The following PCDHGB6 variants were observed in gnomAD, a reference collection of about 807,000 sequenced individuals.
PCDHGB6 encodes the protein protocadherin gamma subfamily B, 6, also known as protocadherin gamma-B6.
PCDHGB6 carries 51 observed loss-of-function variants against 59.1 expected under a neutral mutation model. The observed-to-expected ratio is 0.86, with a 90% CI of 0.69 to 1.09. The LOEUF (loss-of-function observed/expected upper bound fraction) is 1.09, where lower values mean the gene tolerates loss of function less well. Among genes scored for constraint, PCDHGB6 ranks in the 50% least tolerant of loss-of-function variants. The pLI is 0.00. For missense variants in PCDHGB6, 1,148 were observed against 1,205.1 expected (o/e 0.95, Z 0.70); for synonymous variants, 466 against 495.1 (o/e 0.94, Z 0.78).
At position 141,490,456 on chromosome 5, in the gene PCDHGB6, C is replaced by G. The variant is rs370141879; in HGVS notation, c.2419-4351C>G. On this transcript the variant is annotated intron_variant, in intron 1 of 3. Transcript: ENST00000520790. The surrounding 1 kb of genome is among the most constrained non-coding windows in gnomAD (Gnocchi z 5.4). The stretch of plus-strand genomic sequence containing the variant: ...TAAGCCTTCTGAGAACCACTACTCG[C>G]TGCTAACCAGCCAGCCTTTGGACCG... 3.7e-6 allele frequency: 6 copies of G among 1,614,114 alleles called. No individual in the cohort carries two copies. Among genetic ancestry groups the G allele is most frequent in the Non-Finnish European group, 5.1e-6 (6 of 1,180,058 alleles).
At chr5:141,505,650 T>C (rs1595974645) in intron 3 of PCDHGB6, among the ~76,000 whole-genome samples, 169 bp downstream of exon 3, 1 of 152,094 alleles carries the variant, frequency 6.6e-6, no homozygotes, top group East Asian at 1.9e-4. Flanking sequence ...GAATTGTGGC[T>C]AAGGAACAGC....
chr5:141,487,109 G>A lies in PCDHGB6; in HGVS notation c.2419-7698G>A. 2 of 1,614,122 alleles carry A rather than the reference G, an allele frequency of 1.2e-6. No homozygotes were observed. Among genetic ancestry groups the A allele is most frequent in the Non-Finnish European group, 1.7e-6 (2 of 1,180,004 alleles). ...CCTCCCACCACAGAAGCTGGTCATTGTGGTAAAGGATAGTGGTAGTCCACC... is the reference window on the plus strand; with the variant it reads ...CCTCCCACCACAGAAGCTGGTCATTATGGTAAAGGATAGTGGTAGTCCACC... On this transcript the variant is annotated intron_variant, in intron 1 of 3. Transcript: ENST00000520790. This position sits in a 1 kb window ranked among gnomAD's most constrained non-coding sequence, Gnocchi z 5.0.
At chr5:141,508,961 A>C (rs991011427) in intron 3 of PCDHGB6, among the ~76,000 whole-genome samples, 2 of 151,978 alleles carry the variant, frequency 1.3e-5, no homozygotes, top group African/African-American at 4.8e-5. Context: ...TGTCAGCGGA[A>C]TGAAAGGGCT....
chr5:141,414,377 C>T (rs2095740461), intron 1 of PCDHGB6: 1 of 1,613,760 alleles, frequency 6.2e-7, no homozygotes, highest in South Asian at 1.1e-5. Context: ...TTAGAAAAGT[C>T]CATTGACAGT....
Position 141,477,741 on chromosome 5 carries a change from G to A in PCDHGB6, c.2419-17066G>A, listed in dbSNP as rs1438249932. On this transcript the variant is annotated intron_variant, in intron 1 of 3. Transcript: ENST00000520790. The surrounding 1 kb of genome is among the most constrained non-coding windows in gnomAD (Gnocchi z 4.9). ...GAATTAACAGCTCATATCAGCGATG[G>A]GGGCACCCCGGTCCTAGCCACCAAC... is the stretch of plus-strand genomic sequence containing the variant. 4 of 1,613,802 alleles carry A rather than the reference G, an allele frequency of 2.5e-6. No individual in the cohort carries two copies. The highest frequency in any genetic ancestry group is 1.7e-5 in the Admixed American group (1 of 60,026).
intron 1 of PCDHGB6, chr5:141,478,214 C>T (rs1258200424): frequency 6.2e-7 from 1 of 1,614,140 alleles, no homozygotes; most frequent in Admixed American, 1.7e-5. Flanking sequence ...TTCTCTAATC[C>T]TGGTTTCTGT....
chr5:141,492,395 C>G (rs2099740183), intron 1 of PCDHGB6, among the ~76,000 whole-genome samples: 1 of 152,242 alleles, frequency 6.6e-6, no homozygotes, highest in African/African-American at 2.4e-5. Flanking sequence ...GGTCCACTCG[C>G]AGCTCCCCTC....
At chr5:141,451,365 G>A (rs557753113) in intron 1 of PCDHGB6, among the ~76,000 whole-genome samples, 2 of 152,234 alleles carry the variant, frequency 1.3e-5, no homozygotes, top group South Asian at 4.1e-4. Context: ...GGATGGATCC[G>A]CTTCTAATCT....
At chr5:141,478,247 G>T in intron 1 of PCDHGB6, 1 of 1,614,076 alleles carries the variant, frequency 6.2e-7, no homozygotes, top group Non-Finnish European at 8.5e-7. Context: ...CACAGTGTTC[G>T]GAGTAATCAT....
intron 1 of PCDHGB6, among the ~76,000 whole-genome samples, chr5:141,425,440 A>G (rs1438530374): frequency 2.0e-5 from 3 of 152,248 alleles, no homozygotes; most frequent in Non-Finnish European, 4.4e-5. Flanking sequence ...GAGGATAAAA[A>G]TAAAACACCA....
At chr5:141,437,930 G>A (rs142381129) in intron 1 of PCDHGB6, among the ~76,000 whole-genome samples, 2,019 of 152,152 alleles carry the variant, frequency 0.013, 16 homozygotes, top group Middle Eastern at 0.034. Context: ...TAGAGATGGG[G>A]TTTCACCATA....
rs1266068276 is a variant in PCDHGB6 at position 141,418,847 on chromosome 5, C to T, written c.2418+8227C>T. 1.2e-6 allele frequency: 2 copies of T among 1,613,972 alleles called. No individual in the cohort carries two copies. The highest frequency in any genetic ancestry group is 1.3e-5 in the African/African-American group (1 of 75,054). On this transcript the variant is annotated intron_variant, in intron 1 of 3. Transcript: ENST00000520790. ...AAAAGACCGAGGATCTCTCTCAACACGGTGTAAAGTAATTGTAGAAGTTGT... is the reference window on the plus strand; with the variant it reads ...AAAAGACCGAGGATCTCTCTCAACATGGTGTAAAGTAATTGTAGAAGTTGT...
intron 1 of PCDHGB6, chr5:141,423,522 G>A: frequency 6.2e-7 from 1 of 1,613,850 alleles, no homozygotes; most frequent in South Asian, 1.1e-5. Context: ...CGGACTCGCA[G>A]AAGAGTCACC....
At chr5:141,465,812 T>A (rs533291720) in intron 1 of PCDHGB6, among the ~76,000 whole-genome samples, 1 of 152,082 alleles carries the variant, frequency 6.6e-6, no homozygotes, top group South Asian at 2.1e-4. Flanking sequence ...TTCAGGATCT[T>A]GATCACATTT....
intron 1 of PCDHGB6, among the ~76,000 whole-genome samples, chr5:141,479,909 A>G (rs2099509651): frequency 6.6e-6 from 1 of 152,160 alleles, no homozygotes; most frequent in South Asian, 2.1e-4. Context: ...AAACACTGTT[A>G]TTTTGTTACT....
intron 1 of PCDHGB6, chr5:141,423,628 AT>A (rs2096762361): frequency 6.2e-7 from 1 of 1,604,844 alleles, no homozygotes; most frequent in Admixed American, 1.7e-5. Flanking sequence ...CTCAGCTATC[AT>A]TTTAGGCAAA....
At chr5:141,421,434 C>T (rs1247535353) in intron 1 of PCDHGB6, 1 of 1,613,980 alleles carries the variant, frequency 6.2e-7, no homozygotes, top group Non-Finnish European at 8.5e-7. Context: ...GCATCGTCTC[C>T]AGAGGGAAGA....
rs537087639 is a variant in PCDHGB6 at position 141,510,502 on chromosome 5, G to A, written c.2567-445G>A. 3.3e-5 allele frequency among the ~76,000 whole-genome samples: 5 copies of A among 152,296 alleles called. No homozygotes were observed. The South Asian group carries it at 6.2e-4, about 19-fold the overall frequency. ...CTTGAGAAAGCCAGGGCAAGGAACTGAGAGCCCGTGTCACAGCCCTGAGAG... is the reference window on the plus strand; with the variant it reads ...CTTGAGAAAGCCAGGGCAAGGAACTAAGAGCCCGTGTCACAGCCCTGAGAG... On this transcript the variant is annotated intron_variant, in intron 3 of 3. Coordinates refer to ENST00000520790, the MANE Select transcript of PCDHGB6 (RefSeq NM_018926.3).
chr5:141,435,027 AC>A (rs1485237615), intron 1 of PCDHGB6, among the ~76,000 whole-genome samples: 1 of 151,978 alleles, frequency 6.6e-6, no homozygotes, highest in Non-Finnish European at 1.5e-5. Flanking sequence ...CTCTTTTCCC[AC>A]TTTTATTTTT....
Sources: gnomAD v4.1 joint callset for allele counts (sites outside exome capture counted in the v4.1 genomes callset) on GRCh38, gnomAD v4.1.1 for gene constraint, Gnocchi (gnomAD v3.1) non-coding constraint, MANE v1.5 for transcripts, NCBI Gene and HGNC (gene_info 2026-07-23, HGNC 2026-07-21) for gene names.